Variants in MYO16 observed in about 807,000 individuals in gnomAD.
MYO16 encodes the protein unconventional myosin-XVI.
MYO16 carries 94 observed loss-of-function variants against 205.3 expected under a neutral mutation model. The observed-to-expected ratio is 0.46, with a 90% confidence interval of 0.39 to 0.54. The LOEUF (loss-of-function observed/expected upper bound fraction) is 0.54, where lower values mean the gene tolerates loss of function less well. MYO16 is among the 20% of genes least tolerant of loss of function. MYO16 has a pLI of 0.00. For synonymous variants in MYO16, 988 were observed against 954.0 expected (o/e 1.04, Z -0.66); for missense variants, 2,315 against 2,387.5 (o/e 0.97, Z 0.63).
chr13:108,921,654 A>G (rs1049124740), intron 16 of MYO16, among the ~76,000 whole-genome samples: 1 of 152,248 alleles, frequency 6.6e-6, no homozygotes, highest in African/African-American at 2.4e-5. Context: ...GCAGCCATTT[A>G]GAGAGATTAT....
rs1255339640 is a variant in MYO16 at position 108,715,911 on chromosome 13, TGGCTTTTTCTCTCTGCTA to T, written c.363+3182_363+3199del. 1.0e-3 allele frequency among the ~76,000 whole-genome samples: 153 copies of T among 152,326 alleles called. 9 individuals carry two copies. Among genetic ancestry groups the T allele is most frequent in the Admixed American group, 9.2e-3 (141 of 15,294 alleles). ...AATGGGGTATAATTAATGGAATATG[TGGCTTTTTCTCTCTGCTA>T]GACTGAAATCTCAAAAACTGTGACT... On this transcript the variant is annotated intron_variant, in intron 3 of 34. Transcript: ENST00000457511.
chr13:108,722,705 T>A (rs1342328267), intron 3 of MYO16, among the ~76,000 whole-genome samples: 2 of 152,182 alleles, frequency 1.3e-5, no homozygotes, highest in Admixed American at 6.5e-5. Flanking sequence ...AGGAATTACT[T>A]GCATATGAAT....
intron 9 of MYO16, among the ~76,000 whole-genome samples, chr13:108,829,686 T>A (rs999983489): frequency 6.6e-6 from 1 of 152,294 alleles, no homozygotes; most frequent in South Asian, 2.1e-4. Context: ...GAAAAGGGAC[T>A]GCTTGGAGTT....
chr13:108,886,703 CA>C (rs34418709), intron 13 of MYO16, among the ~76,000 whole-genome samples: 72,991 of 151,568 alleles, frequency 0.48, 17,724 homozygotes, highest in East Asian at 0.51. Context: ...CTTGTTTAGG[CA>C]AAGCCCCCTG....
At chr13:108,624,033 A>C (rs1351565556) in intron 1 of MYO16, among the ~76,000 whole-genome samples, 1 of 152,198 alleles carries the variant, frequency 6.6e-6, no homozygotes, top group Non-Finnish European at 1.5e-5. Flanking sequence ...AGTGTGATTA[A>C]ATTGTAAATA....
At chr13:108,532,542 C>T in the MYO16 span, among the ~76,000 whole-genome samples, 1 of 151,572 alleles carries the variant, frequency 6.6e-6, no homozygotes, top group African/African-American at 2.4e-5. Flanking sequence ...GCCTGTAATC[C>T]CAGGACTTGG....
chr13:108,904,732 A>G (rs911524342), intron 15 of MYO16, among the ~76,000 whole-genome samples: 2 of 152,050 alleles, frequency 1.3e-5, no homozygotes, highest in African/African-American at 4.8e-5. Flanking sequence ...TGTCTTTCCC[A>G]TTGACTTCCA....
intron 1 of MYO16, among the ~76,000 whole-genome samples, chr13:108,636,145 T>C (rs1054148875): frequency 6.6e-6 from 1 of 152,136 alleles, no homozygotes; most frequent in African/African-American, 2.4e-5. Flanking sequence ...CATTTCTGGT[T>C]TATGTTTTTG....
chr13:108,657,675 AT>A (rs1451075511), intron 1 of MYO16, among the ~76,000 whole-genome samples: 1 of 152,100 alleles, frequency 6.6e-6, no homozygotes, highest in African/African-American at 2.4e-5. Flanking sequence ...TTCTGTGTGT[AT>A]TTTGACTTGC....
intron 1 of MYO16, among the ~76,000 whole-genome samples, chr13:108,600,463 T>G (rs573128315): frequency 6.6e-6 from 1 of 152,212 alleles, no homozygotes; most frequent in Non-Finnish European, 1.5e-5. Flanking sequence ...TTGTTAACAT[T>G]GTATTATTAA....
intron 24 of MYO16, among the ~76,000 whole-genome samples, chr13:109,050,342 C>G (rs1420602211): frequency 6.6e-6 from 1 of 151,812 alleles, no homozygotes; most frequent in Non-Finnish European, 1.5e-5. Context: ...ATTTTAGAAG[C>G]AGGTTATGAA....
intron 4 of MYO16, among the ~76,000 whole-genome samples, chr13:108,739,316 T>C (rs1311239271): frequency 3.3e-5 from 5 of 152,204 alleles, no homozygotes; most frequent in African/African-American, 1.2e-4. Context: ...TCAGGAGCTC[T>C]TGTAGGGCAG....
chr13:108,629,482 G>C (rs1879875056), upstream of MYO16: 1 of 204,386 alleles, frequency 4.9e-6, no homozygotes, highest in Non-Finnish European at 9.8e-6. Flanking sequence ...GCAGGACCGG[G>C]AGAGCCGCAC....
intron 12 of MYO16, among the ~76,000 whole-genome samples, chr13:108,870,570 G>GATATTGTATGTCATACATATATT (rs1329968465): frequency 4.6e-5 from 7 of 151,950 alleles, no homozygotes; most frequent in Non-Finnish European, 1.5e-5. Flanking sequence ...GACATACATA[G>GATATTGTATGTCATACATATATT]GACAGTTCAT....
At chr13:108,743,791 G>A (rs752439702) in intron 4 of MYO16, among the ~76,000 whole-genome samples, 4 of 152,176 alleles carry the variant, frequency 2.6e-5, no homozygotes, top group Admixed American at 6.5e-5. Context: ...TAAACATTTC[G>A]TACACATATG....
rs749831844 is a variant in MYO16, at chr13:109,140,247, G to T, written c.4052-17G>T. 3 of 1,597,120 alleles carry T rather than the reference G, an allele frequency of 1.9e-6. No individual in the cohort carries two copies. The highest frequency in any genetic ancestry group is 1.3e-5 in the African/African-American group (1 of 74,480). Reference sequence around the variant, plus strand: ...GCCTGGCCTGGCACCCACTGACCGCGTCCTTTCCTGCCGCAGCTCTGGCCC... The same window carrying T: ...GCCTGGCCTGGCACCCACTGACCGCTTCCTTTCCTGCCGCAGCTCTGGCCC... On this transcript the variant is annotated splice_polypyrimidine_tract_variant and intron_variant, in intron 31 of 34. Coordinates refer to ENST00000457511, the MANE Select transcript of MYO16 (RefSeq NM_001198950.3). This position sits in a 1 kb window ranked among gnomAD's most constrained non-coding sequence, Gnocchi z 8.0.
chr13:108,908,330 G>A (rs1881089018), intron 15 of MYO16, among the ~76,000 whole-genome samples: 1 of 152,048 alleles, frequency 6.6e-6, no homozygotes, highest in South Asian at 2.1e-4. Context: ...TCTTACTAAG[G>A]GATATTAATT....
chr13:108,582,819 T>G, the MYO16 span, among the ~76,000 whole-genome samples: 1 of 152,166 alleles, frequency 6.6e-6, no homozygotes, highest in Non-Finnish European at 1.5e-5. Context: ...GGCTGGGTTA[T>G]TATTTAAAAG....
intron 16 of MYO16, among the ~76,000 whole-genome samples, chr13:108,929,648 G>T (rs1882161785): frequency 6.6e-6 from 1 of 152,176 alleles, no homozygotes; most frequent in Admixed American, 6.5e-5. Flanking sequence ...CTGGAACCTA[G>T]TGGGTGGAGT....
Sources: allele counts gnomAD v4.1 joint callset (sites outside exome capture counted in the v4.1 genomes callset), GRCh38; gene constraint gnomAD v4.1.1; non-coding constraint Gnocchi (gnomAD v3.1); transcripts MANE v1.5; gene names NCBI Gene and HGNC (gene_info 2026-07-23, HGNC 2026-07-21).